The following LRRK1 variants were observed in gnomAD, a reference collection of about 807,000 sequenced individuals.
LRRK1 encodes leucine rich repeat kinase 1.
Under a neutral mutation model 209.1 loss-of-function variants are expected in LRRK1, and 113 were observed. The ratio of observed to expected loss-of-function variants is 0.54; its 90% CI spans 0.46 to 0.63. LRRK1 has a LOEUF of 0.63. Among genes scored for constraint, LRRK1 ranks in the 30% least tolerant of loss-of-function variants. The probability of loss-of-function intolerance (pLI) is 0.00; values close to 1 mark genes in which losing one functional copy is unlikely to be tolerated. For synonymous variants in LRRK1, 1,144 were observed against 1,099.7 expected, an observed-to-expected ratio of 1.04 and a Z score of -0.80; for missense variants, 2,284 against 2,632.2, an observed-to-expected ratio of 0.87 and a Z score of 2.89.
chr15:101,030,115 G>A (rs2034216673), intron 20 of LRRK1, among the ~76,000 whole-genome samples: 1 of 152,040 alleles, frequency 6.6e-6, no homozygotes, highest in Admixed American at 6.5e-5. Flanking sequence ...CAAAACAAAT[G>A]AGCCTCTCCT....
Position 101,065,457 on chromosome 15 carries a change from G to A in LRRK1, c.5020G>A (p.Ala1674Thr), listed in dbSNP as rs779529883. ...CTGCTCCTACCTGTGCTCACACACA[G>A]CCAACAGGTCCAAGTTCAGCATCGC... is the stretch of plus-strand genomic sequence containing the variant. ...DSCSYLCSHT[A>T]NRSKFSIADE... Residue 1674 changes from alanine to threonine, a missense_variant, in exon 32 of 34, where the codon GCC (alanine) becomes ACC (threonine). Transcript: ENST00000388948. 1 of 1,614,228 alleles carries A rather than the reference G, an allele frequency of 6.2e-7. No homozygotes were observed. Among genetic ancestry groups the A allele is most frequent in the Non-Finnish European group, 8.5e-7 (1 of 1,180,052 alleles).
At chr15:100,975,716 C>T (rs781319392) in intron 3 of LRRK1, among the ~76,000 whole-genome samples, 1 of 151,980 alleles carries the variant, frequency 6.6e-6, no homozygotes, top group African/African-American at 2.4e-5. Context: ...TGGCTAATAC[C>T]CTTCATTGAC....
At chr15:101,000,392 C>T (rs943743727) in intron 6 of LRRK1, among the ~76,000 whole-genome samples, 3 of 152,196 alleles carry the variant, frequency 2.0e-5, no homozygotes, top group Admixed American at 6.5e-5. Context: ...GGAATGTTCC[C>T]AGCTCTCTGG....
At position 101,051,591 on chromosome 15, in the gene LRRK1, G is replaced by A. The variant is rs1023267787; in HGVS notation, c.3440-120G>A. 13 of 1,319,460 alleles carry A rather than the reference G, an allele frequency of 9.9e-6. No homozygotes were observed. The African/African-American group carries it at 1.7e-4, about 18-fold the overall frequency. 81.7% of individuals were successfully genotyped at this position (1,319,460 alleles called of 1,614,324 possible). On this transcript the variant is annotated intron_variant, in intron 23 of 33. Coordinates refer to ENST00000388948, the MANE Select transcript of LRRK1 (RefSeq NM_024652.6). Reference sequence around the variant, plus strand: ...GGTTTCAGCCTGTCTCTTGGGTACAGGCCAGGACAGGCAGCTCCCCTGCTG... The same window carrying A: ...GGTTTCAGCCTGTCTCTTGGGTACAAGCCAGGACAGGCAGCTCCCCTGCTG...
intron 2 of LRRK1, among the ~76,000 whole-genome samples, chr15:100,928,461 A>G (rs1163040868): frequency 1.3e-5 from 2 of 152,314 alleles, no homozygotes; most frequent in African/African-American, 4.8e-5. Flanking sequence ...CACTCAGGGA[A>G]CACTGTTCAG....
Position 101,075,493 on chromosome 15 carries a change from C to A in LRRK1, c.*6645C>A, listed in dbSNP as rs138592387. 1.9e-5 allele frequency: 2 copies of A among 106,406 alleles called. No individual in the cohort carries two copies. The highest frequency in any genetic ancestry group is 1.8e-5 in the Non-Finnish European group (1 of 54,752). 6.6% of individuals were successfully genotyped at this position (106,406 alleles called of 1,614,324 possible). On this transcript the variant is annotated 3_prime_UTR_variant, in exon 34 of 34. Transcript: ENST00000388948. ...GATCATGCACCCCTTACCATCTCAT[C>A]GAAACCTAATCACCCTTACCCCGCT... is the stretch of plus-strand genomic sequence containing the variant.
chr15:101,055,057 C>T lies in LRRK1; in HGVS notation c.4166C>T (p.Ser1389Leu). 7 of 1,614,140 alleles carry T rather than the reference C, an allele frequency of 4.3e-6. No homozygotes were observed. Among genetic ancestry groups the T allele is most frequent in the Non-Finnish European group, 5.9e-6 (7 of 1,180,022 alleles). The change falls in exon 27 of 34, where the codon TCG becomes TTG. Residue 1389 changes from serine to leucine, a missense_variant. This residue lies in a region of LRRK1 where 780 missense variants were observed against 985.2 expected (regional missense o/e 0.79). Coordinates refer to ENST00000388948, the MANE Select transcript of LRRK1 (RefSeq NM_024652.6). ...AACATCATCTTCTGTGACCTGAAGT[C>T]GGACAACATTCTGGTGTGGTCCCTT... ...KKNIIFCDLK[S>L]DNILVWSLDV...
Position 101,048,607 on chromosome 15 carries a change from C to A in LRRK1, c.3249C>A (p.Thr1083=). ...CATTCAGAGTGAAAAGAAATCAGAC[C>A]ATCTATTGGCAGGAAGGGCTCCTGG... is the stretch of plus-strand genomic sequence containing the variant. ...CSTFRVKRNQ[T]IYWQEGLLVT... Residue 1083 remains threonine, a synonymous_variant, in exon 22 of 34, where the codon ACC becomes ACA. Coordinates refer to ENST00000388948, the MANE Select transcript of LRRK1 (RefSeq NM_024652.6). The A allele has an allele frequency of 6.4e-7, 1 of 1,557,996 alleles. No homozygotes were observed. The highest frequency in any genetic ancestry group is 8.6e-7 in the Non-Finnish European group (1 of 1,159,042).
At position 101,045,440 on chromosome 15, in the gene LRRK1, G is replaced by A. The variant is rs928490330; in HGVS notation, c.2964-541G>A. On this transcript the variant is annotated intron_variant, in intron 20 of 33. Transcript: ENST00000388948. The stretch of plus-strand genomic sequence containing the variant: ...TTTTATGATGACCGAGAGTGTTCTC[G>A]TAAAACATCCCTCTTCCGCACAAAA... Among the ~76,000 whole-genome samples the A allele has an allele frequency of 4.6e-5, 7 of 152,322 alleles. 1 individual carries two copies. Among genetic ancestry groups the A allele is most frequent in the South Asian group, 4.1e-4 (2 of 4,826 alleles).
chr15:100,998,682 T>C (rs1266034935), intron 6 of LRRK1, among the ~76,000 whole-genome samples: 1 of 151,652 alleles, frequency 6.6e-6, no homozygotes, highest in African/African-American at 2.4e-5. Context: ...GTTGCTTGGA[T>C]AGATAGATGG....
At chr15:100,926,680 C>CTTTTTTTTTTTTTTTTTTTTTT (rs71151990) in intron 2 of LRRK1, among the ~76,000 whole-genome samples, 1 of 81,842 alleles carries the variant, frequency 1.2e-5, no homozygotes, top group Non-Finnish European at 2.2e-5. Flanking sequence ...TTCTTTTTTT[C>CTTTTTTTTTTTTTTTTTTTTTT]TTTTTTTTTT....
chr15:101,028,801 G>A (rs2034154619), intron 19 of LRRK1, among the ~76,000 whole-genome samples, 155 bp from the exon 20 acceptor site: 1 of 152,256 alleles, frequency 6.6e-6, no homozygotes, highest in African/African-American at 2.4e-5. Flanking sequence ...CTGTGATCAG[G>A]CTGCCAGCCC....
At chr15:101,063,319 C>A (rs1158475965) in intron 31 of LRRK1, among the ~76,000 whole-genome samples, 1 of 152,184 alleles carries the variant, frequency 6.6e-6, no homozygotes, top group Admixed American at 6.5e-5. Flanking sequence ...CCTGCTGGGC[C>A]CGGCACCCTC....
intron 31 of LRRK1, 106 bp downstream of exon 31, chr15:101,062,796 C>A: frequency 1.2e-6 from 1 of 808,836 alleles, no homozygotes; most frequent in Non-Finnish European, 2.2e-6. Flanking sequence ...ACACCTAGGA[C>A]CACCTGGCCT....
intron 2 of LRRK1, among the ~76,000 whole-genome samples, chr15:100,965,137 C>T (rs1489944315): frequency 6.6e-5 from 5 of 75,204 alleles, no homozygotes; most frequent in Admixed American, 5.7e-4. Context: ...TCATGGAATT[C>T]TGTTTTATTA....
rs376069776 is a variant in LRRK1, at chr15:100,959,678, T to C, written c.98-14126T>C. Among the ~76,000 whole-genome samples, 25 of 152,346 alleles carry C rather than the reference T, an allele frequency of 1.6e-4. 2 individuals carry two copies. The highest frequency in any genetic ancestry group is 7.8e-4 in the Admixed American group (12 of 15,302). On this transcript the variant is annotated intron_variant, in intron 2 of 33. Coordinates refer to ENST00000388948, the MANE Select transcript of LRRK1 (RefSeq NM_024652.6). Reference sequence around the variant, plus strand: ...CCCATTTGTGTGCTCACCGCTTCTCTTTGTGTATGTATTTTTTTATTCATA... The same window carrying C: ...CCCATTTGTGTGCTCACCGCTTCTCCTTGTGTATGTATTTTTTTATTCATA...
At chr15:100,941,314 C>CTG (rs1254765454) in intron 2 of LRRK1, among the ~76,000 whole-genome samples, 10 of 7,386 alleles carry the variant, frequency 1.4e-3, no homozygotes, top group South Asian at 5.3e-3. Context: ...GTGTGTGTGT[C>CTG]TGTGTGTGTG....
At chr15:101,011,892 A>T in intron 9 of LRRK1, 116 bp from the exon 10 acceptor site, 1 of 751,480 alleles carries the variant, frequency 1.3e-6, no homozygotes. Flanking sequence ...CATCTTCATT[A>T]CAGGACATTA....
chr15:100,967,264 A>T (rs753888019), intron 2 of LRRK1, among the ~76,000 whole-genome samples: 14 of 152,146 alleles, frequency 9.2e-5, no homozygotes, highest in Non-Finnish European at 1.6e-4. Context: ...CACACGTATA[A>T]CCGCTTACAC....
Sources: allele counts gnomAD v4.1 joint callset (sites outside exome capture counted in the v4.1 genomes callset), GRCh38; gene constraint gnomAD v4.1.1; regional missense constraint gnomAD v4.1.1; transcripts MANE v1.5; gene names NCBI Gene and HGNC (gene_info 2026-07-23, HGNC 2026-07-21).